The following DDX54 variants were observed in gnomAD, a reference collection of about 807,000 sequenced individuals.
The protein encoded by DDX54 is DEAD-box helicase 54, also known as ATP-dependent RNA helicase DDX54.
A neutral mutation model predicts 105.5 loss-of-function variants in DDX54; 67 were observed. That is an observed-to-expected ratio of 0.64 (90% CI 0.52 to 0.78). DDX54 has a LOEUF of 0.78. DDX54 is among the 30% of genes least tolerant of loss of function. The pLI is 0.00. For synonymous variants in DDX54, 514 were observed against 509.9 expected (o/e 1.01, Z -0.11); for missense variants, 1,206 against 1,230.5 (o/e 0.98, Z 0.30).
chr12:113,172,991 G>A (rs932210676), intron 10 of DDX54, among the ~76,000 whole-genome samples: 11 of 152,270 alleles, frequency 7.2e-5, no homozygotes, highest in African/African-American at 2.4e-4. Context: ...TATATACAGT[G>A]CTGAGAACAG....
At position 113,164,132 on chromosome 12, in the gene DDX54, G is replaced by A. The variant is rs1041997310; in HGVS notation, c.1873C>T (p.Arg625Cys). 13 of 1,552,606 alleles carry A rather than the reference G, an allele frequency of 8.4e-6. No homozygotes were observed. Among genetic ancestry groups the A allele is most frequent in the South Asian group, 1.2e-5 (1 of 84,298 alleles). Residue 625 changes from arginine to cysteine, a missense_variant, in exon 15 of 20, where the codon CGC (arginine) becomes TGC (cysteine). Transcript: ENST00000306014. ...GGCTGCTTCTCCTGCAGTGCTGGGC[G>A]GCTCGGGGCTGGGCCCACTGGGCCC... ...QEGPVGPAPSRPALQEKQPEK... is the reference protein window; with the variant it reads ...QEGPVGPAPSCPALQEKQPEK...
intron 19 of DDX54, among the ~76,000 whole-genome samples, chr12:113,160,082 CAGAAGCTGCTGTTTCACCT>C (rs1255427145): frequency 6.6e-6 from 1 of 152,226 alleles, no homozygotes; most frequent in African/African-American, 2.4e-5. Flanking sequence ...ATGCTCGCAG[CAGAAGCTGCTGTTTCACCT>C]AGGTAAAAAC....
chr12:113,178,545 C>CTT (rs886765741), intron 5 of DDX54: 4 of 143,596 alleles, frequency 2.8e-5, no homozygotes, highest in Admixed American at 6.9e-5. Context: ...TTTGTTTTTT[C>CTT]TTTTTTTTTT....
In DDX54 at chr12:113,175,118, G is replaced by T; in HGVS notation, c.792C>A (p.Ile264=). ...GGTGGCCCCCGGGGAGGCGGGCGAT[G>T]ATCTCCTGCAGCTGCTCTGCGAAAC... The part of the protein sequence containing the change: ...EMGFAEQLQE[I]IARLPGGHQT... The change falls in exon 8 of 20, where the codon ATC becomes ATA. Residue 264 remains isoleucine (I), a synonymous_variant. Coordinates refer to ENST00000306014, the MANE Select transcript of DDX54 (RefSeq NM_024072.4). 3.7e-6 allele frequency: 6 copies of T among 1,613,502 alleles called. No homozygotes were observed. The highest frequency in any genetic ancestry group is 5.1e-6 in the Non-Finnish European group (6 of 1,179,950).
intron 9 of DDX54, 45 bp downstream of exon 9, chr12:113,174,830 C>T (rs1027325266): frequency 8.7e-6 from 14 of 1,614,086 alleles, no homozygotes; most frequent in Admixed American, 1.7e-5. Flanking sequence ...GCCTGCAGGG[C>T]CCACCTGGAC....
chr12:113,165,739 G>A, intron 13 of DDX54, 22 bp from the exon 14 acceptor site: 3 of 1,610,974 alleles, frequency 1.9e-6, no homozygotes, highest in Non-Finnish European at 2.5e-6. Context: ...GCAGCAAGGT[G>A]TGAGGCTGTG....
intron 17 of DDX54, 55 bp from the exon 18 acceptor site, chr12:113,162,052 G>A: frequency 6.4e-7 from 1 of 1,561,240 alleles, no homozygotes; most frequent in Non-Finnish European, 8.8e-7. Flanking sequence ...TGGAGTGCCG[G>A]CTGCCGCTTG....
rs1282669596 is a variant in DDX54, at chr12:113,185,435, C to G, written c.17G>C (p.Gly6Ala). The change falls in exon 1 of 20, where the codon GGC (glycine) becomes GCC (alanine). Residue 6 changes from glycine (G) to alanine (A), a missense_variant. Gly to Ala is a moderately conservative substitution (Grantham distance 60). This residue lies in a region of DDX54 where 212 missense variants were observed against 155.4 expected (regional missense o/e 1.36). Transcript: ENST00000306014. Reference protein sequence around the residue: MAADKGPAAGPRSRAA... With the variant: MAADKAPAAGPRSRAA... ...TCGCGACCGAGGTCCAGCCGCCGGG[C>G]CCTTGTCGGCCGCCATTCGGGCCGC... 14 of 1,512,824 alleles carry G rather than the reference C, an allele frequency of 9.3e-6. No homozygotes were observed. The highest frequency in any genetic ancestry group is 1.4e-5 in the African/African-American group (1 of 69,428). 93.7% of individuals were successfully genotyped at this position (1,512,824 alleles called of 1,614,324 possible).
At chr12:113,159,468 C>A (rs1952178877) in intron 19 of DDX54, among the ~76,000 whole-genome samples, 2 of 152,138 alleles carry the variant, frequency 1.3e-5, no homozygotes, top group Admixed American at 1.3e-4. Flanking sequence ...ATTTCAAGGC[C>A]TGTCCCATAG....
chr12:113,162,215 C>A (rs1447882084), intron 17 of DDX54, among the ~76,000 whole-genome samples: 1 of 152,106 alleles, frequency 6.6e-6, no homozygotes, highest in Non-Finnish European at 1.5e-5. Flanking sequence ...AAAGGGAGTG[C>A]GGAGGTCAGA....
chr12:113,181,180 C>G (rs1310630586), intron 1 of DDX54, 122 bp from the exon 2 acceptor site: 1 of 1,250,834 alleles, frequency 8.0e-7, no homozygotes, highest in African/African-American at 1.6e-5. Context: ...TCCGCCAGAT[C>G]ACGTCACTTT....
rs1369464754 is a variant in DDX54, at chr12:113,159,200, T to G, written c.2414-91A>C. The G allele has an allele frequency of 4.4e-6, 6 of 1,359,288 alleles. No individual in the cohort carries two copies. In the South Asian group the frequency reaches 5.4e-5, roughly 12 times the overall value. 84.2% of individuals were successfully genotyped at this position (1,359,288 alleles called of 1,614,324 possible). On this transcript the variant is annotated intron_variant, in intron 19 of 19. Coordinates refer to ENST00000306014, the MANE Select transcript of DDX54 (RefSeq NM_024072.4). ...AGCTTGCAGACTCCTCCCCTGCCCC[T>G]ACTCCTGTTCTGTGCTTATTGCTGT... is the stretch of plus-strand genomic sequence containing the variant.
intron 3 of DDX54, among the ~76,000 whole-genome samples, chr12:113,179,682 C>T (rs1376063891): frequency 6.6e-6 from 1 of 152,164 alleles, no homozygotes; most frequent in Non-Finnish European, 1.5e-5. Context: ...ATATAGGTGG[C>T]TGGGAGCTGC....
chr12:113,175,095 T>C lies in DDX54; in HGVS notation c.815A>G (p.His272Arg). Reference protein sequence around the residue: ...QEIIARLPGGHQTVLFSATLP... With the variant: ...QEIIARLPGGRQTVLFSATLP... ...CGTGGCGGAGAACAGCACCGTCTGG[T>C]GGCCCCCGGGGAGGCGGGCGATGAT... The change falls in exon 8 of 20, where the codon CAC (histidine) becomes CGC (arginine). Residue 272 changes from histidine to arginine, a missense_variant. Physicochemically the swap from His to Arg is conservative, Grantham distance 29. This residue lies in a region of DDX54 where 961 missense variants were observed against 1,019.1 expected (regional missense o/e 0.94). Coordinates refer to ENST00000306014, the MANE Select transcript of DDX54 (RefSeq NM_024072.4). 1 of 1,613,860 alleles carries C rather than the reference T, an allele frequency of 6.2e-7. No homozygotes were observed.
In DDX54 at chr12:113,158,632, G is replaced by T; in HGVS notation, c.*245C>A. The T allele has an allele frequency of 2.1e-6, 1 of 482,288 alleles. No homozygotes were observed. Among genetic ancestry groups the T allele is most frequent in the Non-Finnish European group, 3.6e-6 (1 of 278,704 alleles). 29.9% of individuals were successfully genotyped at this position (482,288 alleles called of 1,614,324 possible). A position where few individuals can be genotyped will look rare whatever the true frequency, so the allele number is the denominator to read the frequency against. On this transcript the variant is annotated 3_prime_UTR_variant, in exon 20 of 20. Coordinates refer to ENST00000306014, the MANE Select transcript of DDX54 (RefSeq NM_024072.4). The surrounding 1 kb of genome is among the most constrained non-coding windows in gnomAD (Gnocchi z 4.9). ...CAGCTGAGTTGCCAACTCAAGTCTTGGCCTGCCTGGCTTTGCTGGCGAACT... is the reference window on the plus strand; with the variant it reads ...CAGCTGAGTTGCCAACTCAAGTCTTTGCCTGCCTGGCTTTGCTGGCGAACT...
intron 12 of DDX54, 25 bp downstream of exon 12, chr12:113,169,745 C>T (rs1319918458): frequency 6.2e-7 from 1 of 1,612,132 alleles, no homozygotes; most frequent in South Asian, 1.1e-5. Flanking sequence ...ACGGGGACCC[C>T]TATCCCCACC....
chr12:113,182,546 A>G (rs970501544), intron 1 of DDX54, among the ~76,000 whole-genome samples: 1 of 151,864 alleles, frequency 6.6e-6, no homozygotes, highest in Non-Finnish European at 1.5e-5. Context: ...TATGAACAGC[A>G]TGTCCTTCAG....
At chr12:113,168,009 C>T in intron 12 of DDX54, 1 of 482,608 alleles carries the variant, frequency 2.1e-6, no homozygotes, top group Non-Finnish European at 4.1e-6. Context: ...TTGAAATGCC[C>T]TTTAGGCGCC....
At chr12:113,179,430 C>T in intron 3 of DDX54, 99 bp from the exon 4 acceptor site, 1 of 1,348,438 alleles carries the variant, frequency 7.4e-7, no homozygotes, top group Non-Finnish European at 1.0e-6. Context: ...CTATAGATCT[C>T]AGTGAATGGG....
Sources: gnomAD v4.1 joint callset for allele counts (sites outside exome capture counted in the v4.1 genomes callset) on GRCh38, gnomAD v4.1.1 for gene constraint, gnomAD v4.1.1 regional missense constraint, Gnocchi (gnomAD v3.1) non-coding constraint, MANE v1.5 for transcripts, NCBI Gene and HGNC (gene_info 2026-07-23, HGNC 2026-07-21) for gene names.